Variants in MAML3 observed in about 807,000 individuals in gnomAD.
The protein encoded by MAML3 is mastermind-like protein 3.
MAML3 carries 27 observed loss-of-function variants against 101.9 expected under a neutral mutation model. The ratio of observed to expected loss-of-function variants is 0.27; its 90% CI spans 0.20 to 0.37. The LOEUF (loss-of-function observed/expected upper bound fraction) is 0.37. Ranked by LOEUF, MAML3 falls within the 10% of genes least tolerant of loss-of-function variation. MAML3 has a pLI of 1.00. For missense variants in MAML3, 1,316 were observed against 1,444.9 expected, an observed-to-expected ratio of 0.91 and a Z score of 1.45; for synonymous variants, 501 against 555.9, an observed-to-expected ratio of 0.90 and a Z score of 1.39.
At chr4:140,021,136 TA>T (rs1379652316) in intron 1 of MAML3, among the ~76,000 whole-genome samples, 1 of 152,162 alleles carries the variant, frequency 6.6e-6, no homozygotes, top group African/African-American at 2.4e-5. Context: ...CCATATGAAA[TA>T]AAACAACTGT....
At chr4:139,787,664 T>A (rs1268430518) in intron 2 of MAML3, among the ~76,000 whole-genome samples, 1 of 152,262 alleles carries the variant, frequency 6.6e-6, no homozygotes, top group Non-Finnish European at 1.5e-5. Flanking sequence ...ATTGGCTTTT[T>A]AAATTGCTGC....
At chr4:140,119,674 C>T (rs961502309) in intron 1 of MAML3, among the ~76,000 whole-genome samples, 1 of 148,172 alleles carries the variant, frequency 6.7e-6, no homozygotes, top group African/African-American at 2.5e-5. Context: ...GGCTATACAG[C>T]ACGGTGGCAC....
intron 2 of MAML3, among the ~76,000 whole-genome samples, chr4:139,805,853 C>T (rs1471060740): frequency 2.6e-5 from 4 of 151,814 alleles, no homozygotes; most frequent in South Asian, 2.1e-4. Context: ...ACTATGCGAG[C>T]GGTGGAAAAA....
intron 2 of MAML3, among the ~76,000 whole-genome samples, chr4:139,882,340 C>A (rs1732235238): frequency 6.7e-6 from 1 of 149,420 alleles, no homozygotes; most frequent in African/African-American, 2.5e-5. Flanking sequence ...TTAAAAAGTG[C>A]ATAGTACTAG....
At chr4:139,977,894 C>CAAAAAAA in intron 1 of MAML3, among the ~76,000 whole-genome samples, 1 of 142,564 alleles carries the variant, frequency 7.0e-6, no homozygotes, top group Non-Finnish European at 1.5e-5. Flanking sequence ...AAACAAAAAA[C>CAAAAAAA]AAAAAAAAAA....
intron 1 of MAML3, among the ~76,000 whole-genome samples, chr4:140,104,922 A>G (rs1053944377): frequency 6.6e-6 from 1 of 152,212 alleles, no homozygotes; most frequent in Non-Finnish European, 1.5e-5. Flanking sequence ...ATAGACTGTT[A>G]GTGGCACTGT....
chr4:139,894,511 A>AAAAGAAAGAAAGAAAGAAAG (rs58209239), intron 1 of MAML3, among the ~76,000 whole-genome samples: 30 of 136,474 alleles, frequency 2.2e-4, no homozygotes, highest in African/African-American at 7.0e-4. Flanking sequence ...TCCATCTTAA[A>AAAAGAAAGAAAGAAAGAAAG]AAAGAAAGAA....
intron 1 of MAML3, chr4:140,128,095 C>T (rs1022889624): frequency 6.6e-6 from 1 of 152,314 alleles, no homozygotes; most frequent in African/African-American, 2.4e-5. Context: ...CTGGTGAGGC[C>T]CCTTCTGCTG....
chr4:139,852,231 T>G (rs573410965), intron 2 of MAML3, among the ~76,000 whole-genome samples: 4 of 152,196 alleles, frequency 2.6e-5, no homozygotes, highest in Admixed American at 2.6e-4. Context: ...ATAGCAATTT[T>G]GGGGGTAAGT....
intron 2 of MAML3, among the ~76,000 whole-genome samples, chr4:139,775,370 C>T (rs4863688): frequency 0.95 from 144,095 of 152,226 alleles, 68,704 homozygotes; most frequent in East Asian, 1. Context: ...AGTAACCCTT[C>T]AATAGAGCGC....
At position 139,889,654 on chromosome 4, in the gene MAML3, G is replaced by A. The variant is rs1309196729; in HGVS notation, c.1782C>T (p.His594=). ...TAGTGTTGCCATAAGTCAGAATATT[G>A]TGCTGTTTGTTTAAGGAGTTTGTAC... ...NLGTNSLNKQ[H]NILTYGNTKP... is the part of the protein sequence containing the mutation. The change falls in exon 2 of 5, where the codon CAC becomes CAT. Residue 594 remains histidine, a synonymous_variant. Transcript: ENST00000509479. The A allele has an allele frequency of 6.2e-7, 1 of 1,614,000 alleles. No homozygotes were observed. Among genetic ancestry groups the A allele is most frequent in the Non-Finnish European group, 8.5e-7 (1 of 1,179,892 alleles).
chr4:140,149,915 A>G (rs1461545633), intron 1 of MAML3, among the ~76,000 whole-genome samples: 1 of 150,364 alleles, frequency 6.7e-6, no homozygotes, highest in Non-Finnish European at 1.5e-5. Context: ...AAAAGGAAAT[A>G]TAACTTGTAG....
At chr4:139,893,454 T>G (rs988433572) in intron 1 of MAML3, among the ~76,000 whole-genome samples, 1 of 152,132 alleles carries the variant, frequency 6.6e-6, no homozygotes, top group African/African-American at 2.4e-5. Flanking sequence ...GTTTGGTGAG[T>G]TCCAAGAAGG....
chr4:139,896,418 T>C (rs1328581359), intron 1 of MAML3, among the ~76,000 whole-genome samples: 2 of 152,234 alleles, frequency 1.3e-5, no homozygotes, highest in African/African-American at 4.8e-5. Context: ...TATTATTACA[T>C]ATAAATGTTT....
chr4:139,926,499 C>A (rs1041805896), intron 1 of MAML3, among the ~76,000 whole-genome samples: 5 of 152,172 alleles, frequency 3.3e-5, no homozygotes, highest in African/African-American at 1.2e-4. Context: ...ACTCGGGAGG[C>A]TGTGGCAGGA....
chr4:139,822,952 G>A (rs1460449285), intron 2 of MAML3, among the ~76,000 whole-genome samples: 1 of 152,152 alleles, frequency 6.6e-6, no homozygotes, highest in Non-Finnish European at 1.5e-5. Context: ...GGGGCCTGGG[G>A]GTATTTATCT....
chr4:139,778,109 C>T (rs1461739325), intron 2 of MAML3, among the ~76,000 whole-genome samples: 1 of 152,146 alleles, frequency 6.6e-6, no homozygotes, highest in Non-Finnish European at 1.5e-5. Flanking sequence ...CTTGGACAGG[C>T]AACTGACACG....
At chr4:139,909,844 A>G (rs1192129004) in intron 1 of MAML3, among the ~76,000 whole-genome samples, 3 of 150,834 alleles carry the variant, frequency 2.0e-5, no homozygotes, top group Non-Finnish European at 4.4e-5. Context: ...CTCAAAAAAA[A>G]AAAAAAAAAA....
chr4:139,825,365 G>A (rs746581124), intron 2 of MAML3, among the ~76,000 whole-genome samples: 8 of 152,120 alleles, frequency 5.3e-5, no homozygotes, highest in African/African-American at 1.4e-4. Flanking sequence ...TTGTGGGCAG[G>A]ATTTATCAGG....
Sources: gnomAD v4.1 joint callset for allele counts (sites outside exome capture counted in the v4.1 genomes callset) on GRCh38, gnomAD v4.1.1 for gene constraint, MANE v1.5 for transcripts, NCBI Gene and HGNC (gene_info 2026-07-23, HGNC 2026-07-21) for gene names.